TGS1: variants seen among roughly 807,000 people sequenced by gnomAD.
TGS1 encodes trimethylguanosine synthase.
In TGS1, 69 loss-of-function variants were observed where a neutral mutation model predicts 92.2. The ratio of observed to expected loss-of-function variants is 0.75; its 90% CI spans 0.62 to 0.91. The LOEUF (loss-of-function observed/expected upper bound fraction) is 0.91, where lower values mean the gene tolerates loss of function less well. Among genes scored for constraint, TGS1 ranks in the 40% least tolerant of loss-of-function variants. TGS1 has a pLI of 0.00. For missense variants in TGS1, 1,062 were observed against 1,001.2 expected (o/e 1.06, Z -0.82); for synonymous variants, 345 against 338.1 (o/e 1.02, Z -0.22).
chr8:55,811,023 C>T lies in TGS1; in HGVS notation c.2286C>T (p.Leu762=). Residue 762 remains leucine, a synonymous_variant, in exon 11 of 13, where the codon CTC becomes CTT. Transcript: ENST00000260129. The part of the protein sequence containing the change: ...ASFLKADVVF[L]SPPWGGPDYA... ...TTTTAAAGGCTGATGTTGTGTTCCT[C>T]AGCCCACCTTGGGGAGGGCCAGACT... is the stretch of plus-strand genomic sequence containing the variant. 1.2e-6 allele frequency: 2 copies of T among 1,614,208 alleles called. No individual in the cohort carries two copies. Among genetic ancestry groups the T allele is most frequent in the Non-Finnish European group, 1.7e-6 (2 of 1,180,044 alleles).
At chr8:55,790,125 G>A (rs963898479) in intron 4 of TGS1, 57 bp from the exon 5 acceptor site, 5 of 1,248,254 alleles carry the variant, frequency 4.0e-6, no homozygotes, top group Non-Finnish European at 5.9e-6. Context: ...TTTGCAAATA[G>A]CAGAAAAGTT....
chr8:55,782,790 C>G lies in TGS1; in HGVS notation c.144C>G (p.Ile48Met), dbSNP rs1421128791. ...LYNLGLKGYY[I>M]RDSGNNSGDQ... ...ATTTGGGATTAAAAGGCTATTACATCAGAGACAGTGGCAACAATTCAGGTA... is the reference window on the plus strand; with the variant it reads ...ATTTGGGATTAAAAGGCTATTACATGAGAGACAGTGGCAACAATTCAGGTA... The change falls in exon 2 of 13, where the codon ATC (isoleucine) becomes ATG (methionine). Residue 48 changes from isoleucine to methionine, a missense_variant. Transcript: ENST00000260129. The G allele has an allele frequency of 6.2e-7, 1 of 1,610,316 alleles. No individual in the cohort carries two copies. Among genetic ancestry groups the G allele is most frequent in the South Asian group, 1.1e-5 (1 of 90,014 alleles).
intron 9 of TGS1, 64 bp downstream of exon 9, chr8:55,802,670 T>C (rs1361261435): frequency 1.4e-6 from 2 of 1,470,788 alleles, no homozygotes; most frequent in African/African-American, 1.4e-5. Flanking sequence ...AAGAAAGTTA[T>C]AAGAATAATA....
chr8:55,777,644 A>G (rs538512428), intron 1 of TGS1, among the ~76,000 whole-genome samples: 1 of 151,574 alleles, frequency 6.6e-6, no homozygotes, highest in African/African-American at 2.4e-5. Flanking sequence ...GATTCAAGCA[A>G]TTCTCGTGCC....
rs545437220 is a variant in TGS1, at chr8:55,775,725, C to T, written c.101+2006C>T. Among the ~76,000 whole-genome samples, 38 of 150,912 alleles carry T rather than the reference C, an allele frequency of 2.5e-4. No homozygotes were observed. In the South Asian group the frequency reaches 6.3e-3, roughly 25 times the overall value. ...AGCAGTTAGATATATTGATTTGGAG[C>T]GCTGGAGAAGTCTGGGCTAGTTTTA... On this transcript the variant is annotated intron_variant, in intron 1 of 12. Coordinates refer to ENST00000260129, the MANE Select transcript of TGS1 (RefSeq NM_024831.8).
intron 1 of TGS1, among the ~76,000 whole-genome samples, chr8:55,775,568 G>A (rs1811372864): frequency 1.3e-5 from 2 of 152,134 alleles, no homozygotes; most frequent in Admixed American, 1.3e-4. Flanking sequence ...TTGTATTGCT[G>A]CCTTTCACTG....
intron 12 of TGS1, among the ~76,000 whole-genome samples, chr8:55,822,685 A>G (rs956088785): frequency 6.6e-6 from 1 of 151,904 alleles, no homozygotes; most frequent in East Asian, 1.9e-4. Flanking sequence ...TTTTACTTTA[A>G]GTATTCCTTA....
At chr8:55,810,572 G>A (rs557881829) in intron 10 of TGS1, among the ~76,000 whole-genome samples, 2 of 152,316 alleles carry the variant, frequency 1.3e-5, no homozygotes, top group South Asian at 4.1e-4. Context: ...CAGCACAATG[G>A]TGGCCACATA....
At chr8:55,807,866 T>C (rs1803218297) in intron 10 of TGS1, among the ~76,000 whole-genome samples, 1 of 152,186 alleles carries the variant, frequency 6.6e-6, no homozygotes, top group Non-Finnish European at 1.5e-5. Flanking sequence ...ATTCTGAAGA[T>C]GCATATTTTT....
At chr8:55,816,450 G>T (rs1182181874) in intron 12 of TGS1, among the ~76,000 whole-genome samples, 2 of 152,190 alleles carry the variant, frequency 1.3e-5, no homozygotes, top group African/African-American at 4.8e-5. Flanking sequence ...CTGCTGGTCT[G>T]TTTGATATGG....
chr8:55,797,542 C>T (rs1402397144), intron 7 of TGS1, among the ~76,000 whole-genome samples: 1 of 152,180 alleles, frequency 6.6e-6, no homozygotes, highest in Non-Finnish European at 1.5e-5. Context: ...CACCTTGTAA[C>T]AAGTTCACCC....
intron 9 of TGS1, among the ~76,000 whole-genome samples, chr8:55,802,935 A>G (rs1812261235): frequency 6.6e-6 from 1 of 151,690 alleles, no homozygotes; most frequent in Non-Finnish European, 1.5e-5. Flanking sequence ...AATTTCATTA[A>G]TTGTCCTAAT....
chr8:55,773,729 A>C lies in TGS1; in HGVS notation c.101+10A>C, dbSNP rs371539663. 2.8e-5 allele frequency: 44 copies of C among 1,597,526 alleles called. No individual in the cohort carries two copies. Among genetic ancestry groups the C allele is most frequent in the Non-Finnish European group, 3.6e-5 (42 of 1,167,956 alleles). The stretch of plus-strand genomic sequence containing the variant: ...CCAGGGCATTTGTGGAGTAAGTAGA[A>C]AAGAGAATCTCTTCATGTTCTAGCA... On this transcript the variant is annotated intron_variant, in intron 1 of 12. Coordinates refer to ENST00000260129, the MANE Select transcript of TGS1 (RefSeq NM_024831.8).
intron 12 of TGS1, among the ~76,000 whole-genome samples, chr8:55,816,929 C>T (rs1433388873): frequency 2.0e-5 from 3 of 151,330 alleles, no homozygotes; most frequent in African/African-American, 4.9e-5. Context: ...GGTGCGATCT[C>T]GGCTTACTGC....
chr8:55,785,974 T>C (rs1811698194), intron 3 of TGS1, 83 bp downstream of exon 3: 1 of 1,139,694 alleles, frequency 8.8e-7, no homozygotes. Flanking sequence ...TATCAGATTA[T>C]ATGCATTCAC....
At chr8:55,806,129 G>C (rs868275170) in intron 10 of TGS1, among the ~76,000 whole-genome samples, 1 of 151,644 alleles carries the variant, frequency 6.6e-6, no homozygotes, top group African/African-American at 2.4e-5. Flanking sequence ...GCCGAGGCAG[G>C]CTGATCACCT....
rs949182761 is a variant in TGS1, at chr8:55,804,881, C to T, written c.2000-12C>T. ...AATTGAACATGCTAACACAAATACT[C>T]TTCCTTTGCAGAGGGCTGGTTTTCA... On this transcript the variant is annotated splice_polypyrimidine_tract_variant and intron_variant, in intron 9 of 12. Coordinates refer to ENST00000260129, the MANE Select transcript of TGS1 (RefSeq NM_024831.8). 5.0e-6 allele frequency: 8 copies of T among 1,612,430 alleles called. No homozygotes were observed. The highest frequency in any genetic ancestry group is 1.7e-5 in the Admixed American group (1 of 59,944).
intron 8 of TGS1, 66 bp from the exon 9 acceptor site, chr8:55,802,391 A>G (rs532310655): frequency 4.8e-5 from 64 of 1,346,424 alleles, no homozygotes; most frequent in Non-Finnish European, 5.9e-5. Flanking sequence ...TCATTTTTAG[A>G]TAAACTCACC....
chr8:55,793,086 G>A (rs1811929230), intron 6 of TGS1, among the ~76,000 whole-genome samples: 2 of 152,214 alleles, frequency 1.3e-5, no homozygotes, highest in Admixed American at 6.5e-5. Context: ...TGACTTCTAA[G>A]CATGGTTCTC....
Sources: allele counts gnomAD v4.1 joint callset (sites outside exome capture counted in the v4.1 genomes callset), GRCh38; gene constraint gnomAD v4.1.1; transcripts MANE v1.5; gene names NCBI Gene and HGNC (gene_info 2026-07-23, HGNC 2026-07-21).